Variants in C8orf89 observed in about 807,000 individuals in gnomAD.
C8orf89 encodes the protein putative uncharacterized protein C8orf89.
Under a neutral mutation model 15.8 loss-of-function variants are expected in C8orf89, and 14 were observed. That is an observed-to-expected ratio of 0.89 (90% CI 0.59 to 1.39). The LOEUF (loss-of-function observed/expected upper bound fraction) is 1.39, where lower values mean the gene tolerates loss of function less well. C8orf89 is among the 40% of genes most tolerant of loss of function. The pLI, the probability that C8orf89 is intolerant of heterozygous loss-of-function variation, is 0.00. For synonymous variants in C8orf89, 55 were observed against 62.2 expected, an observed-to-expected ratio of 0.88 and a Z score of 0.54; for missense variants, 181 against 184.5, an observed-to-expected ratio of 0.98 and a Z score of 0.11.
intron 3 of C8orf89, 145 bp from the exon 4 acceptor site, chr8:73,241,750 C>T: frequency 1.8e-6 from 1 of 564,106 alleles, no homozygotes; most frequent in Non-Finnish European, 2.7e-6. Flanking sequence ...CTATACTAAC[C>T]CAAAAAAAAG....
intron 2 of C8orf89, among the ~76,000 whole-genome samples, chr8:73,256,697 C>A (rs966988608): frequency 1.5e-5 from 2 of 133,438 alleles, no homozygotes; most frequent in Admixed American, 1.7e-4. Context: ...CACTGTACTC[C>A]AGCCTGGCAA....
chr8:73,276,470 A>G, the C8orf89 span, among the ~76,000 whole-genome samples: 3 of 152,030 alleles, frequency 2.0e-5, no homozygotes, highest in Admixed American at 2.0e-4. Context: ...AAGCCACCAC[A>G]CCCAGCCTTC....
At chr8:73,247,938 C>T (rs1035201186) in intron 3 of C8orf89, among the ~76,000 whole-genome samples, 1 of 152,008 alleles carries the variant, frequency 6.6e-6, no homozygotes, top group African/African-American at 2.4e-5. Context: ...GAAGCACTTT[C>T]GTTTAATTAG....
the C8orf89 span, chr8:73,277,510 A>G: frequency 1.3e-6 from 1 of 778,344 alleles, no homozygotes; most frequent in Admixed American, 2.0e-5. Context: ...AACTTCCCTG[A>G]GGATGAAGCC....
At chr8:73,279,213 C>T in the C8orf89 span, among the ~76,000 whole-genome samples, 2 of 152,190 alleles carry the variant, frequency 1.3e-5, no homozygotes, top group South Asian at 4.1e-4. Flanking sequence ...CTTACATATT[C>T]TGTAATCTTT....
chr8:73,259,598 A>G (rs1935657425), upstream of C8orf89: 1 of 496,276 alleles, frequency 2.0e-6, no homozygotes, highest in Non-Finnish European at 3.2e-6. Context: ...TGAACATTTT[A>G]ATGAATTCTT....
the C8orf89 span, among the ~76,000 whole-genome samples, chr8:73,277,177 T>C: frequency 3.3e-5 from 5 of 152,172 alleles, no homozygotes; most frequent in African/African-American, 1.2e-4. Flanking sequence ...TTTAGATTTT[T>C]GTCAGTTGGG....
intron 2 of C8orf89, among the ~76,000 whole-genome samples, chr8:73,251,997 C>A: frequency 6.6e-6 from 1 of 152,238 alleles, no homozygotes; most frequent in Middle Eastern, 3.4e-3. Flanking sequence ...ATGTTTCAAA[C>A]GGTCCCTCTT....
the C8orf89 span, among the ~76,000 whole-genome samples, chr8:73,281,232 A>C: frequency 6.6e-6 from 1 of 152,208 alleles, no homozygotes; most frequent in Non-Finnish European, 1.5e-5. Context: ...CAGCCTAGGC[A>C]ACATAATGAG....
the C8orf89 span, among the ~76,000 whole-genome samples, chr8:73,267,720 T>C: frequency 3.3e-5 from 5 of 152,194 alleles, no homozygotes; most frequent in East Asian, 1.9e-4. Flanking sequence ...TAAACACTAA[T>C]CTAGGTGTTG....
chr8:73,242,806 A>G (rs1454571607), intron 3 of C8orf89, among the ~76,000 whole-genome samples: 1 of 152,226 alleles, frequency 6.6e-6, no homozygotes, highest in African/African-American at 2.4e-5. Flanking sequence ...ATTGCTAGAC[A>G]TATACCCAAA....
intron 1 of C8orf89, among the ~76,000 whole-genome samples, chr8:73,258,056 T>A (rs1813440010): frequency 6.6e-6 from 1 of 152,152 alleles, no homozygotes; most frequent in Non-Finnish European, 1.5e-5. Flanking sequence ...GAAGAAAAAG[T>A]ATAGCAACAC....
At chr8:73,242,291 C>T (rs567061592) in intron 3 of C8orf89, among the ~76,000 whole-genome samples, 136 of 152,212 alleles carry the variant, frequency 8.9e-4, no homozygotes, top group Non-Finnish European at 1.6e-3. Flanking sequence ...GCTTAAACAA[C>T]TCTATGGGAA....
At chr8:73,277,845 G>T in the C8orf89 span, 2 of 706,278 alleles carry the variant, frequency 2.8e-6, no homozygotes, top group Admixed American at 3.5e-5. Context: ...TCCCATAGCT[G>T]CTTTGCTTTC....
At chr8:73,273,435 G>A in the C8orf89 span, among the ~76,000 whole-genome samples, 2 of 152,332 alleles carry the variant, frequency 1.3e-5, no homozygotes, top group East Asian at 3.9e-4. Context: ...GCGTGTGCTC[G>A]CTCAGGGAGG....
At chr8:73,250,467 A>T in intron 2 of C8orf89, 144 bp from the exon 3 acceptor site, 5 of 576,852 alleles carry the variant, frequency 8.7e-6, no homozygotes, top group Non-Finnish European at 1.5e-5. Context: ...CATCAGAAGC[A>T]GATATGAGCC....
the C8orf89 span, among the ~76,000 whole-genome samples, chr8:73,280,870 TAC>T: frequency 2.0e-5 from 3 of 151,602 alleles, no homozygotes; most frequent in Non-Finnish European, 1.5e-5. Flanking sequence ...GCAGAGAAAA[TAC>T]AGTCAATAAA....
the C8orf89 span, among the ~76,000 whole-genome samples, chr8:73,279,180 T>G: frequency 1.3e-5 from 2 of 152,348 alleles, 1 homozygote; most frequent in Admixed American, 1.3e-4. Context: ...ATCTGCCAAG[T>G]CTGCTTCCTT....
intron 2 of C8orf89, among the ~76,000 whole-genome samples, chr8:73,256,007 C>T (rs544071092): frequency 3.3e-5 from 5 of 151,158 alleles, no homozygotes; most frequent in Admixed American, 3.3e-4. Flanking sequence ...ATACCTAATG[C>T]TAAATGACGA....
Sources: allele counts gnomAD v4.1 joint callset (sites outside exome capture counted in the v4.1 genomes callset), GRCh38; gene constraint gnomAD v4.1.1; transcripts MANE v1.5; gene names NCBI Gene and HGNC (gene_info 2026-07-23, HGNC 2026-07-21).